XIRP2: variants seen among roughly 807,000 people sequenced by gnomAD.
The protein encoded by XIRP2 is xin actin binding repeat containing 2.
Under a neutral mutation model 277.0 loss-of-function variants are expected in XIRP2, and 236 were observed. The observed-to-expected ratio is 0.85, with a 90% CI of 0.77 to 0.95. The LOEUF (loss-of-function observed/expected upper bound fraction) is 0.95, where lower values mean the gene tolerates loss of function less well. XIRP2 is among the 40% of genes least tolerant of loss of function. The pLI, the probability that XIRP2 is intolerant of heterozygous loss-of-function variation, is 0.00. For synonymous variants in XIRP2, 1,490 were observed against 1,416.5 expected (o/e 1.05, Z -1.17); for missense variants, 4,640 against 4,157.5 (o/e 1.12, Z -3.19).
chr2:167,022,206 A>G lies in XIRP2; in HGVS notation c.409-113703A>G, dbSNP rs567715184. On this transcript the variant is annotated intron_variant, in intron 2 of 10. Transcript: ENST00000409195. ...TATACATTGTAATGTATGAAATTGT[A>G]TGGGGAGCAATATTTTGGATTCCTA... Among the ~76,000 whole-genome samples the G allele has an allele frequency of 5.9e-5, 9 of 152,232 alleles. No homozygotes were observed. In the East Asian group the frequency reaches 1.7e-3, roughly 29 times the overall value.
At chr2:167,155,364 C>T (rs1365723704) in intron 3 of XIRP2, among the ~76,000 whole-genome samples, 8 of 151,482 alleles carry the variant, frequency 5.3e-5, no homozygotes, top group Non-Finnish European at 1.0e-4. Flanking sequence ...ACTGGCAAAC[C>T]GAATCCAGCA....
chr2:167,135,970 T>C lies in XIRP2; in HGVS notation c.470T>C (p.Leu157Pro), dbSNP rs1691536853. The change falls in exon 3 of 11, where the codon CTG becomes CCG. Residue 157 changes from leucine to proline, a missense_variant. Leu to Pro is a moderately conservative substitution (Grantham distance 98, BLOSUM62 -3). Coordinates refer to ENST00000409195, the MANE Select transcript of XIRP2 (RefSeq NM_152381.6). ...PAFKSHPGSQLEDSVKDSDKK... is the reference protein window; with the variant it reads ...PAFKSHPGSQPEDSVKDSDKK... The stretch of plus-strand genomic sequence containing the variant: ...TTTAAGAGTCACCCTGGGAGCCAGC[T>C]GGAGGATTCTGTGAAAGATTCAGAC... The C allele has an allele frequency of 1.2e-6, 2 of 1,612,172 alleles. No homozygotes were observed. Among genetic ancestry groups the C allele is most frequent in the Non-Finnish European group, 1.7e-6 (2 of 1,179,250 alleles).
At chr2:167,173,109 A>G (rs1207027089) in intron 3 of XIRP2, among the ~76,000 whole-genome samples, 3 of 152,184 alleles carry the variant, frequency 2.0e-5, no homozygotes, top group Admixed American at 6.6e-5. Flanking sequence ...TCCCTCAAGC[A>G]TTTATCCTTT....
chr2:166,892,806 A>AAG (rs1684136484), intron 1 of XIRP2, among the ~76,000 whole-genome samples: 1 of 106,886 alleles, frequency 9.4e-6, no homozygotes, highest in South Asian at 3.2e-4. Flanking sequence ...CATTTCATAG[A>AAG]AGATATATAT....
intron 2 of XIRP2, among the ~76,000 whole-genome samples, chr2:167,050,209 T>C (rs1688882324): frequency 6.6e-6 from 1 of 152,080 alleles, no homozygotes; most frequent in African/African-American, 2.4e-5. Flanking sequence ...CCTGGCCTGC[T>C]GTGTTAAAGA....
intron 4 of XIRP2, among the ~76,000 whole-genome samples, chr2:167,212,590 A>G (rs1395170751): frequency 6.6e-6 from 1 of 152,228 alleles, no homozygotes; most frequent in African/African-American, 2.4e-5. Flanking sequence ...AATTTTATAG[A>G]CAAGAAAAGC....
Position 167,227,534 on chromosome 2 carries a change from C to T in XIRP2, c.858+9234C>T, listed in dbSNP as rs1468550522. On this transcript the variant is annotated intron_variant, in intron 5 of 10. Coordinates refer to ENST00000409195, the MANE Select transcript of XIRP2 (RefSeq NM_152381.6). ...TGGGCAACATAGCAAAACCCCATCT[C>T]TACAAAAGAAAAAATGTTTTTTAAT... 4.6e-5 allele frequency among the ~76,000 whole-genome samples: 7 copies of T among 151,912 alleles called. No homozygotes were observed. The East Asian group carries it at 1.4e-3, about 29-fold the overall frequency.
At chr2:167,119,001 G>A (rs1482610758) in intron 2 of XIRP2, among the ~76,000 whole-genome samples, 1 of 152,158 alleles carries the variant, frequency 6.6e-6, no homozygotes, top group Non-Finnish European at 1.5e-5. Flanking sequence ...AGTGTTAAAT[G>A]AGTTGGAAAC....
intron 2 of XIRP2, among the ~76,000 whole-genome samples, chr2:166,952,053 A>C (rs1686050050): frequency 6.6e-6 from 1 of 151,982 alleles, no homozygotes. Context: ...TGCCCTATTG[A>C]AGTGTGTGAA....
intron 2 of XIRP2, among the ~76,000 whole-genome samples, chr2:167,027,649 G>T (rs1688209291): frequency 6.6e-6 from 1 of 151,910 alleles, no homozygotes; most frequent in East Asian, 1.9e-4. Flanking sequence ...ATCTACTTTT[G>T]GTCTTTGATG....
chr2:167,022,041 G>A (rs1266218757), intron 2 of XIRP2, among the ~76,000 whole-genome samples: 1 of 152,046 alleles, frequency 6.6e-6, no homozygotes, highest in African/African-American at 2.4e-5. Flanking sequence ...TTAATTTCAT[G>A]TAATATATTA....
chr2:167,188,067 G>A (rs1693209275), intron 3 of XIRP2, among the ~76,000 whole-genome samples: 2 of 152,150 alleles, frequency 1.3e-5, no homozygotes, highest in African/African-American at 4.8e-5. Flanking sequence ...ACTGGAATAA[G>A]ACTAAAGAAT....
At chr2:167,185,258 T>C (rs2105360696) in intron 3 of XIRP2, among the ~76,000 whole-genome samples, 1 of 152,280 alleles carries the variant, frequency 6.6e-6, no homozygotes, top group Middle Eastern at 3.4e-3. Flanking sequence ...TTTATTGCTC[T>C]TAATTATTAC....
At chr2:167,095,482 C>T (rs62197383) in intron 2 of XIRP2, among the ~76,000 whole-genome samples, 193 of 152,196 alleles carry the variant, frequency 1.3e-3, no homozygotes, top group Admixed American at 3.1e-3. Context: ...TTTTGAGATA[C>T]ATTTCATCAA....
intron 2 of XIRP2, among the ~76,000 whole-genome samples, chr2:167,014,341 A>G (rs1340445831): frequency 1.3e-5 from 2 of 151,842 alleles, no homozygotes; most frequent in Non-Finnish European, 2.9e-5. Context: ...TATGACAATA[A>G]CTAGCAAGCT....
chr2:167,196,761 A>T (rs1027492670), intron 3 of XIRP2, among the ~76,000 whole-genome samples: 1 of 151,998 alleles, frequency 6.6e-6, no homozygotes, highest in Non-Finnish European at 1.5e-5. Flanking sequence ...TTCTTCCTAG[A>T]TCCCACAAAA....
intron 2 of XIRP2, among the ~76,000 whole-genome samples, chr2:167,092,194 C>T (rs945577482): frequency 1.3e-5 from 2 of 152,058 alleles, no homozygotes; most frequent in Admixed American, 1.3e-4. Context: ...TGTCATAGCC[C>T]ATTCTATATA....
intron 2 of XIRP2, among the ~76,000 whole-genome samples, chr2:166,948,150 A>G (rs1252219027): frequency 6.6e-6 from 1 of 152,140 alleles, no homozygotes; most frequent in Admixed American, 6.6e-5. Context: ...TCATGTCATT[A>G]TACACATGTC....
chr2:167,242,243 T>A (rs1056455931), intron 8 of XIRP2, among the ~76,000 whole-genome samples: 1 of 152,204 alleles, frequency 6.6e-6, no homozygotes, highest in African/African-American at 2.4e-5. Flanking sequence ...TCAAAAGTAC[T>A]TTAAGACTTT....
Sources: allele counts gnomAD v4.1 joint callset (sites outside exome capture counted in the v4.1 genomes callset), GRCh38; gene constraint gnomAD v4.1.1; transcripts MANE v1.5; gene names NCBI Gene and HGNC (gene_info 2026-07-23, HGNC 2026-07-21).